IRS4: variants seen among roughly 807,000 people sequenced by gnomAD.
The protein encoded by IRS4 is insulin receptor substrate 4.
IRS4 carries 15 observed loss-of-function variants against 48.6 expected under a neutral mutation model. The observed-to-expected ratio is 0.31, with a 90% CI of 0.21 to 0.48. The LOEUF (loss-of-function observed/expected upper bound fraction) is 0.48. IRS4 is among the 20% of genes least tolerant of loss of function. IRS4 has a pLI of 0.99. For synonymous variants in IRS4, 459 were observed against 413.2 expected (o/e 1.11, Z -1.34); for missense variants, 987 against 1,023.4 (o/e 0.96, Z 0.49).
chrX:108,732,607 A>G lies in IRS4; in HGVS notation c.3738T>C (p.Arg1246=), dbSNP rs1475830113. 8.3e-7 allele frequency: 1 copy of G among 1,211,587 alleles called. No homozygotes were observed. The highest frequency in any genetic ancestry group is 1.1e-6 in the Non-Finnish European group (1 of 895,427). The change falls in exon 1 of 2, where the codon CGT becomes CGC. Residue 1246 remains arginine (R), a synonymous_variant. Transcript: ENST00000372129. The stretch of plus-strand genomic sequence containing the variant: ...TTTTGGGAGAGTCGAACTGATTATC[A>G]CGTCTGGCAAAATCCATTCTCACGT... The part of the protein sequence containing the change: ...DTHVRMDFAR[R]DNQFDSPKRE
chrX:108,731,805 G>T (rs1332710701), intron 1 of IRS4, among the ~76,000 whole-genome samples: 1 of 111,628 alleles, frequency 9.0e-6, no homozygotes, highest in Non-Finnish European at 1.9e-5. Flanking sequence ...AAGGGTGGGG[G>T]GTTAAAAGAA....
intron 1 of IRS4, chrX:108,725,758 T>C (rs1210627153): frequency 8.9e-6 from 1 of 111,985 alleles, no homozygotes; most frequent in African/African-American, 3.2e-5. Context: ...ATCTCCTTCA[T>C]AGATCGGATG....
Position 108,734,185 on chromosome X carries a change from C to A in IRS4, c.2160G>T (p.Met720Ile). 1 of 1,211,102 alleles carries A rather than the reference C, an allele frequency of 8.3e-7. No homozygotes were observed. The highest frequency in any genetic ancestry group is 1.1e-6 in the Non-Finnish European group (1 of 895,381). The change falls in exon 1 of 2, where the codon ATG (methionine) becomes ATT (isoleucine). Residue 720 changes from methionine (M) to isoleucine (I), a missense_variant. Met to Ile is a conservative substitution (Grantham distance 10, BLOSUM62 1). This residue lies in a region of IRS4 where 720 missense variants were observed against 660.3 expected (regional missense o/e 1.09). Coordinates refer to ENST00000372129, the MANE Select transcript of IRS4 (RefSeq NM_001379150.1). ...PLVSSSDYMP[M>I]APQNVSASKK... ...TTGAAGCAGAGACATTTTGAGGAGCCATTGGCATATAATCACTGGAGCTTA... is the reference window on the plus strand; with the variant it reads ...TTGAAGCAGAGACATTTTGAGGAGCAATTGGCATATAATCACTGGAGCTTA...
chrX:108,725,865 C>A (rs1049839403), intron 1 of IRS4: 3 of 112,299 alleles, frequency 2.7e-5, no homozygotes, highest in Non-Finnish European at 3.8e-5. Flanking sequence ...ACCCCCATCT[C>A]CTCAAAGGTC....
Position 108,734,429 on chromosome X carries a change from G to T in IRS4, c.1916C>A (p.Pro639Gln), listed in dbSNP as rs747901760. ...CCCTTTTCCACCAGTTCCTCCAGCT[G>T]GTGGGGGTGGAGGAGGAGGTGGTGG... ...PPPPPPPPPP[P>Q]AGGTGGKGKS... The change falls in exon 1 of 2, where the codon CCA becomes CAA. Residue 639 changes from proline to glutamine, a missense_variant. Transcript: ENST00000372129. 1.7e-6 allele frequency: 2 copies of T among 1,211,957 alleles called. No homozygotes were observed. The highest frequency in any genetic ancestry group is 3.5e-5 in the South Asian group (2 of 56,985).
intron 1 of IRS4, among the ~76,000 whole-genome samples, chrX:108,727,876 A>G (rs2068882812): frequency 8.9e-6 from 1 of 112,437 alleles, no homozygotes; most frequent in Non-Finnish European, 1.9e-5. Context: ...AAACAAATGA[A>G]GAACGTCTAT....
Position 108,733,481 on chromosome X carries a change from G to C in IRS4, c.2864C>G (p.Ala955Gly), listed in dbSNP as rs139759641. ...WGIIAEPRQS[A>G]FSNYVNVEFG... Reference sequence around the variant, plus strand: ...CTCAACATTCACATAATTAGAAAAGGCTGACTGTCTGGGTTCAGCAATTAT... The same window carrying C: ...CTCAACATTCACATAATTAGAAAAGCCTGACTGTCTGGGTTCAGCAATTAT... The change falls in exon 1 of 2, where the codon GCC (alanine) becomes GGC (glycine). Residue 955 changes from alanine (A) to glycine (G), a missense_variant. Around this residue, in one of 4 missense-constraint regions of IRS4, gnomAD observed 720 missense variants for 660.3 expected, o/e 1.09. Transcript: ENST00000372129. 1 of 1,211,605 alleles carries C rather than the reference G, an allele frequency of 8.3e-7. No homozygotes were observed. The highest frequency in any genetic ancestry group is 1.1e-6 in the Non-Finnish European group (1 of 895,480).
rs1401243943 is a variant in IRS4 at position 108,725,459 on chromosome X, C to CAAA, written c.3767-2937_3767-2936insTTT. ...TAAGCAGGGGCAACCAAGTAAAGCA[C>CAAA]CAAAAAAAAAAAAAAAAAGGGAAGC... On this transcript the variant is annotated intron_variant, in intron 1 of 1. Coordinates refer to ENST00000372129, the MANE Select transcript of IRS4 (RefSeq NM_001379150.1). 6.6e-4 allele frequency among the ~76,000 whole-genome samples: 27 copies of CAAA among 40,728 alleles called. No homozygotes were observed. The East Asian group carries it at 0.03, about 45-fold the overall frequency. The allele number at this position is 40,728 out of a possible 115,157, so 35.4% of individuals were successfully genotyped here.
Position 108,734,664 on chromosome X carries a change from C to T in IRS4, c.1681G>A (p.Gly561Ser). ...GTAGGHGSGG[G>S]QRPGGGHGSG... Reference sequence around the variant, plus strand: ...CCATGCCCACCTCCAGGTCTCTGGCCACCACCTGAACCGTGCCCACCTGCG... The same window carrying T: ...CCATGCCCACCTCCAGGTCTCTGGCTACCACCTGAACCGTGCCCACCTGCG... Residue 561 changes from glycine to serine, a missense_variant, in exon 1 of 2, where the codon GGC becomes AGC. By Grantham distance (56) the Gly-to-Ser change is moderately conservative. Coordinates refer to ENST00000372129, the MANE Select transcript of IRS4 (RefSeq NM_001379150.1). The T allele has an allele frequency of 8.3e-7, 1 of 1,211,165 alleles. No individual in the cohort carries two copies.
chrX:108,732,476 C>G, intron 1 of IRS4, 103 bp downstream of exon 1: 3 of 1,176,454 alleles, frequency 2.6e-6, no homozygotes, highest in Non-Finnish European at 3.5e-6. Flanking sequence ...TGTCGAATAG[C>G]ACCAGTTAAT....
At chrX:108,728,544 A>G (rs1464482314) in intron 1 of IRS4, among the ~76,000 whole-genome samples, 1 of 111,886 alleles carries the variant, frequency 8.9e-6, no homozygotes, top group Non-Finnish European at 1.9e-5. Context: ...TCTTGGGAAA[A>G]TTCTCAACAT....
Position 108,735,729 on chromosome X carries a change from A to G in IRS4, c.616T>C (p.Cys206Arg). ...RLILESKRRR[C>R]GTLGAQPDGE... Reference sequence around the variant, plus strand: ...TCCGGCTGCGCGCCGAGCGTGCCGCAGCGGCGGCGCTTGCTCTCGAGGATG... The same window carrying G: ...TCCGGCTGCGCGCCGAGCGTGCCGCGGCGGCGGCGCTTGCTCTCGAGGATG... Residue 206 changes from cysteine to arginine, a missense_variant, in exon 1 of 2, where the codon TGC becomes CGC. Cys to Arg is a radical substitution (Grantham distance 180). Coordinates refer to ENST00000372129, the MANE Select transcript of IRS4 (RefSeq NM_001379150.1). 1.7e-6 allele frequency: 2 copies of G among 1,184,020 alleles called. No homozygotes were observed. Among genetic ancestry groups the G allele is most frequent in the Admixed American group, 4.5e-5 (2 of 43,989 alleles).
In IRS4 at chrX:108,719,978, T is replaced by C. The variant is rs2148012206; in HGVS notation, c.*2541A>G. The C allele has an allele frequency of 9.0e-6, 1 of 111,715 alleles. No homozygotes were observed. The highest frequency in any genetic ancestry group is 3.2e-5 in the African/African-American group (1 of 30,770). The allele number at this position is 111,715 out of a possible 1,213,427, so 9.2% of individuals were successfully genotyped here. ...CATGAACACATTTATTGTGAGTAGCTGTATGGAAAGGCAAGTCAGATATAT... is the reference window on the plus strand; with the variant it reads ...CATGAACACATTTATTGTGAGTAGCCGTATGGAAAGGCAAGTCAGATATAT... On this transcript the variant is annotated 3_prime_UTR_variant, in exon 2 of 2. Transcript: ENST00000372129.
chrX:108,735,935 G>A lies in IRS4; in HGVS notation c.410C>T (p.Ala137Val), dbSNP rs1467680275. The part of the protein sequence containing the change: ...AAAAAAASGA[A>V]IPPLIPPRRV... ...CCGCGGTGGAATGAGCGGGGGGATC[G>A]CGGCGCCAGAGGCGGCCGCCGCTGC... Residue 137 changes from alanine (A) to valine (V), a missense_variant, in exon 1 of 2, where the codon GCG becomes GTG. Ala to Val is a moderately conservative substitution (Grantham distance 64). This residue lies in a region of IRS4 where 173 missense variants were observed against 208.9 expected (regional missense o/e 0.83). Coordinates refer to ENST00000372129, the MANE Select transcript of IRS4 (RefSeq NM_001379150.1). The A allele has an allele frequency of 2.5e-6, 3 of 1,208,367 alleles. No homozygotes were observed. The highest frequency in any genetic ancestry group is 2.2e-6 in the Non-Finnish European group (2 of 893,891).
intron 1 of IRS4, chrX:108,723,542 C>A (rs1321380473): frequency 9.0e-6 from 1 of 111,562 alleles, no homozygotes; most frequent in Non-Finnish European, 1.9e-5. Context: ...AGTTGTGTCT[C>A]TTCATTAAGA....
Position 108,734,685 on chromosome X carries a change from C to A in IRS4, c.1660G>T (p.Gly554Cys). The part of the protein sequence containing the change: ...QCSRDGQGTA[G>C]GHGSGGGQRP... ...TGGCCACCACCTGAACCGTGCCCAC[C>A]TGCGGTGCCCTGGCCATCTCTAGAG... Residue 554 changes from glycine to cysteine, a missense_variant, in exon 1 of 2, where the codon GGT becomes TGT. Coordinates refer to ENST00000372129, the MANE Select transcript of IRS4 (RefSeq NM_001379150.1). 8.3e-7 allele frequency: 1 copy of A among 1,210,924 alleles called. No homozygotes were observed. Among genetic ancestry groups the A allele is most frequent in the Non-Finnish European group, 1.1e-6 (1 of 895,404 alleles).
Position 108,736,299 on chromosome X carries a change from T to G in IRS4, c.46A>C (p.Arg16=). 1 of 1,211,435 alleles carries G rather than the reference T, an allele frequency of 8.3e-7. No homozygotes were observed. Among genetic ancestry groups the G allele is most frequent in the Non-Finnish European group, 1.1e-6 (1 of 895,484 alleles). ...GCCGCTGCCGCCGCTGCTGCACCTC[T>G]TAGTCTTCTTGTCGCTTGGTCGCGA... ...FTRDQATRRL[R]GAAAAAAAAL... The change falls in exon 1 of 2, where the codon AGA becomes CGA. Residue 16 remains arginine, a synonymous_variant. Transcript: ENST00000372129.
chrX:108,734,946 T>C lies in IRS4; in HGVS notation c.1399A>G (p.Asn467Asp), dbSNP rs1380604933. Reference protein sequence around the residue: ...SSEVSGSGSGNFGEEGNPQGK... With the variant: ...SSEVSGSGSGDFGEEGNPQGK... Reference sequence around the variant, plus strand: ...TGGGGATTGCCTTCCTCCCCAAAGTTGCCAGAGCCAGAACCAGACACTTCA... The same window carrying C: ...TGGGGATTGCCTTCCTCCCCAAAGTCGCCAGAGCCAGAACCAGACACTTCA... The change falls in exon 1 of 2, where the codon AAC becomes GAC. Residue 467 changes from asparagine (N) to aspartate (D), a missense_variant. By Grantham distance (23) the Asn-to-Asp change is conservative. Around this residue, in one of 4 missense-constraint regions of IRS4, gnomAD observed 720 missense variants for 660.3 expected, o/e 1.09. Transcript: ENST00000372129. The C allele has an allele frequency of 8.3e-7, 1 of 1,210,391 alleles. No individual in the cohort carries two copies. Among genetic ancestry groups the C allele is most frequent in the Non-Finnish European group, 1.1e-6 (1 of 895,357 alleles).
intron 1 of IRS4, among the ~76,000 whole-genome samples, chrX:108,731,227 G>T (rs1200727835): frequency 3.6e-5 from 4 of 110,422 alleles, no homozygotes; most frequent in Admixed American, 2.9e-4. Context: ...GATGTGGGGG[G>T]GCTACACCTG....
Sources: gnomAD v4.1 joint callset for allele counts (sites outside exome capture counted in the v4.1 genomes callset) on GRCh38, gnomAD v4.1.1 for gene constraint, gnomAD v4.1.1 regional missense constraint, MANE v1.5 for transcripts, NCBI Gene and HGNC (gene_info 2026-07-23, HGNC 2026-07-21) for gene names.